Variants in TSGA10IP observed in about 807,000 individuals in gnomAD.
The protein encoded by TSGA10IP is testis-specific protein 10-interacting protein.
A neutral mutation model predicts 63.2 loss-of-function variants in TSGA10IP; 64 were observed. That is an observed-to-expected ratio of 1.01 (90% CI 0.83 to 1.25). TSGA10IP has a LOEUF of 1.25. Among genes scored for constraint, TSGA10IP ranks in the 50% most tolerant of loss-of-function variants. The pLI is 0.00. For missense variants in TSGA10IP, 681 were observed against 710.1 expected (o/e 0.96, Z 0.47); for synonymous variants, 316 against 298.3 (o/e 1.06, Z -0.61).
chr11:65,954,168 CTTT>C (rs762331435), intron 5 of TSGA10IP, among the ~76,000 whole-genome samples: 1 of 141,880 alleles, frequency 7.0e-6, no homozygotes. Flanking sequence ...GACCATTTTC[CTTT>C]TTTTTTTTTT....
rs1162077603 is a variant in TSGA10IP at position 65,954,326 on chromosome 11, C to T, written c.1322+589C>T. Among the ~76,000 whole-genome samples, 7 of 142,522 alleles carry T rather than the reference C, an allele frequency of 4.9e-5. No homozygotes were observed. In the East Asian group the frequency reaches 8.7e-4, roughly 18 times the overall value. 93.5% of individuals were successfully genotyped at this position (142,522 alleles called of 152,430 possible). The stretch of plus-strand genomic sequence containing the variant: ...GACTACAGGCGCCCGCCACCACGCC[C>T]GGCTAATTTTTTTTTTTTTTTGTAT... On this transcript the variant is annotated intron_variant, in intron 5 of 7. Coordinates refer to ENST00000532620, the Ensembl canonical transcript of TSGA10IP.
At chr11:65,950,565 T>G (rs1279185364) in intron 4 of TSGA10IP, among the ~76,000 whole-genome samples, 1 of 151,670 alleles carries the variant, frequency 6.6e-6, no homozygotes, top group African/African-American at 2.4e-5. Flanking sequence ...GGCTAATTTT[T>G]TTTTTTTTTT....
intron 1 of TSGA10IP, among the ~76,000 whole-genome samples, chr11:65,946,310 G>A (rs1009780980): frequency 1.3e-5 from 2 of 152,170 alleles, no homozygotes. Context: ...GCCTCCTAGG[G>A]TCCTTGGGAA....
chr11:65,959,824 A>T (rs1326175461), exon 8 of TSGA10IP: 1 of 1,561,104 alleles, frequency 6.4e-7, no homozygotes, highest in Non-Finnish European at 8.7e-7. Flanking sequence ...AAGGAGCCAC[A>T]GGTCAATGGG....
chr11:65,953,659 T>C, exon 5 of TSGA10IP: 3 of 1,587,830 alleles, frequency 1.9e-6, no homozygotes, highest in Non-Finnish European at 2.6e-6. Flanking sequence ...CAGCGGCAGG[T>C]GGCCCACTGC....
intron 4 of TSGA10IP, among the ~76,000 whole-genome samples, chr11:65,949,568 C>A (rs1854907005): frequency 6.6e-6 from 1 of 152,008 alleles, no homozygotes; most frequent in Non-Finnish European, 1.5e-5. Context: ...AGGAGCCCAC[C>A]ACCACGCCTG....
chr11:65,954,849 C>T (rs1854999074), intron 5 of TSGA10IP, among the ~76,000 whole-genome samples: 1 of 150,340 alleles, frequency 6.7e-6, no homozygotes, highest in African/African-American at 2.5e-5. Flanking sequence ...ACCCTGAGGA[C>T]TGCTCAGAGG....
At chr11:65,945,909 A>T (rs1854822908) in intron 1 of TSGA10IP, 87 bp downstream of exon 1, 1 of 1,492,340 alleles carries the variant, frequency 6.7e-7, no homozygotes, top group African/African-American at 1.4e-5. Flanking sequence ...TTGAGAAGCC[A>T]CAAGACCTGA....
chr11:65,957,379 G>T (rs145461986), intron 5 of TSGA10IP, among the ~76,000 whole-genome samples: 151 of 152,238 alleles, frequency 9.9e-4, no homozygotes, highest in Non-Finnish European at 1.7e-3. Flanking sequence ...TCGATCTCCT[G>T]ACCTCGAGAT....
intron 4 of TSGA10IP, among the ~76,000 whole-genome samples, chr11:65,953,181 C>A (rs1408119105): frequency 2.6e-5 from 4 of 151,998 alleles, no homozygotes; most frequent in Non-Finnish European, 5.9e-5. Flanking sequence ...CAGGCATATG[C>A]CACCACGCCT....
intron 7 of TSGA10IP, 122 bp from the exon 8 acceptor site, chr11:65,959,695 C>G: frequency 7.3e-7 from 1 of 1,372,742 alleles, no homozygotes; most frequent in Non-Finnish European, 9.7e-7. Context: ...AGAAGAGTCA[C>G]TTTGCCCAGG....
chr11:65,953,626 G>C (rs1338998215), exon 5 of TSGA10IP: 2 of 1,586,768 alleles, frequency 1.3e-6, no homozygotes. Context: ...GCCGAGCTGC[G>C]GCGGGCCCGG....
chr11:65,953,575 T>G (rs1335980521), exon 5 of TSGA10IP: 1 of 1,586,846 alleles, frequency 6.3e-7, no homozygotes, highest in African/African-American at 1.4e-5. Context: ...AGGAGCCTGC[T>G]GCAGGCCTGG....
intron 4 of TSGA10IP, 53 bp from the exon 5 acceptor site, chr11:65,953,512 CGT>C: frequency 6.7e-7 from 1 of 1,491,604 alleles, no homozygotes. Flanking sequence ...CCTGGCCCTC[CGT>C]GAGGCTCCTG....
chr11:65,953,210 T>C (rs1854968441), intron 4 of TSGA10IP, among the ~76,000 whole-genome samples: 1 of 152,048 alleles, frequency 6.6e-6, no homozygotes, highest in Admixed American at 6.6e-5. Context: ...TTGGCATTTT[T>C]AGTAGAAACA....
At chr11:65,951,480 C>T (rs910799806) in intron 4 of TSGA10IP, among the ~76,000 whole-genome samples, 1 of 149,068 alleles carries the variant, frequency 6.7e-6, no homozygotes, top group Non-Finnish European at 1.5e-5. Flanking sequence ...ATTTGTATGT[C>T]TTTTTTTGAG....
intron 7 of TSGA10IP, 148 bp downstream of exon 7, chr11:65,959,462 C>T: frequency 7.8e-7 from 1 of 1,288,388 alleles, no homozygotes; most frequent in Non-Finnish European, 1.1e-6. Context: ...ATTCCTACTT[C>T]TCAATGAGGA....
chr11:65,959,071 C>T lies in TSGA10IP; in HGVS notation c.1422+89C>T, dbSNP rs1035081402. Reference sequence around the variant, plus strand: ...GAAGCAGGATGCGAGTAGGTCCCTGCAGATAGGATCCCAGGGCTGCTGCCC... The same window carrying T: ...GAAGCAGGATGCGAGTAGGTCCCTGTAGATAGGATCCCAGGGCTGCTGCCC... On this transcript the variant is annotated intron_variant, in intron 6 of 7. Coordinates refer to ENST00000532620, the Ensembl canonical transcript of TSGA10IP. 2.0e-5 allele frequency: 32 copies of T among 1,564,430 alleles called. 1 individual carries two copies. Among genetic ancestry groups the T allele is most frequent in the Non-Finnish European group, 2.4e-5 (28 of 1,150,048 alleles).
intron 5 of TSGA10IP, 66 bp from the exon 6 acceptor site, chr11:65,958,817 G>A (rs1855067488): frequency 2.2e-6 from 3 of 1,350,388 alleles, no homozygotes; most frequent in African/African-American, 1.4e-5. Flanking sequence ...AAGATAAGCG[G>A]GCTCAGGAAT....
Sources: gnomAD v4.1 joint callset for allele counts (sites outside exome capture counted in the v4.1 genomes callset) on GRCh38, gnomAD v4.1.1 for gene constraint, MANE v1.5 for transcripts, NCBI Gene and HGNC (gene_info 2026-07-23, HGNC 2026-07-21) for gene names.